CDH1: variants seen among roughly 807,000 people sequenced by gnomAD.
CDH1 encodes cadherin 1, also known as cadherin-1.
A neutral mutation model predicts 84.5 loss-of-function variants in CDH1; 35 were observed. The ratio of observed to expected loss-of-function variants is 0.41; its 90% CI spans 0.32 to 0.55. The LOEUF (loss-of-function observed/expected upper bound fraction) is 0.55. Among genes scored for constraint, CDH1 ranks in the 20% least tolerant of loss-of-function variants. The pLI is 0.19. For synonymous variants in CDH1, 417 were observed against 439.0 expected, an observed-to-expected ratio of 0.95 and a Z score of 0.63; for missense variants, 994 against 1,126.6, an observed-to-expected ratio of 0.88 and a Z score of 1.68.
chr16:68,832,641 G>A (rs1265480803), intron 15 of CDH1, among the ~76,000 whole-genome samples: 3 of 151,998 alleles, frequency 2.0e-5, no homozygotes, highest in Non-Finnish European at 4.4e-5. Context: ...CCAACATGGT[G>A]AAACCCCGTT....
chr16:68,806,421 A>T (rs1310864267), intron 3 of CDH1, among the ~76,000 whole-genome samples: 1 of 152,078 alleles, frequency 6.6e-6, no homozygotes, highest in African/African-American at 2.4e-5. Flanking sequence ...AAGTGCTGGG[A>T]TTACAGGTGT....
chr16:68,738,206 G>A (rs1173630336), intron 1 of CDH1, 91 bp from the exon 2 acceptor site: 17 of 864,406 alleles, frequency 2.0e-5, no homozygotes, highest in Non-Finnish European at 3.2e-5. Context: ...TCCCGACGCC[G>A]GGAGCGAGGG....
intron 2 of CDH1, among the ~76,000 whole-genome samples, chr16:68,766,041 T>C (rs4783674): frequency 0.3 from 45,148 of 151,950 alleles, 6,802 homozygotes; most frequent in Middle Eastern, 0.34. Context: ...AGGCGAATCA[T>C]GAGGTCAGGA....
intron 2 of CDH1, among the ~76,000 whole-genome samples, chr16:68,797,385 C>A (rs902660472): frequency 6.6e-6 from 1 of 151,886 alleles, no homozygotes; most frequent in Non-Finnish European, 1.5e-5. Context: ...AACCCTTTCT[C>A]AAAAAATTAA....
chr16:68,745,341 G>A (rs1274152340), intron 2 of CDH1, among the ~76,000 whole-genome samples: 1 of 150,232 alleles, frequency 6.7e-6, no homozygotes, highest in Non-Finnish European at 1.5e-5. Context: ...AAAAAATTTA[G>A]CCAGGTATGG....
intron 2 of CDH1, among the ~76,000 whole-genome samples, chr16:68,797,850 G>A (rs946667350): frequency 6.6e-6 from 1 of 152,068 alleles, no homozygotes; most frequent in Admixed American, 6.6e-5. Context: ...AGGCAGAGGC[G>A]GGCAGATCAC....
intron 2 of CDH1, among the ~76,000 whole-genome samples, chr16:68,762,878 A>C (rs927841207): frequency 7.9e-6 from 1 of 126,362 alleles, no homozygotes; most frequent in African/African-American, 3.0e-5. Context: ...GCACCACTGC[A>C]CTCCAGCCTC....
intron 15 of CDH1, 22 bp from the exon 16 acceptor site, chr16:68,833,268 G>A (rs1408409250): frequency 7.5e-6 from 12 of 1,607,176 alleles, no homozygotes. Flanking sequence ...ACTAAAAGAT[G>A]CTTTTGTCCC....
intron 2 of CDH1, among the ~76,000 whole-genome samples, chr16:68,764,245 T>A (rs1959306480): frequency 6.6e-6 from 1 of 152,162 alleles, no homozygotes; most frequent in South Asian, 2.1e-4. Flanking sequence ...TCATCCCAGA[T>A]GACATTTAGG....
intron 2 of CDH1, among the ~76,000 whole-genome samples, chr16:68,761,898 T>C (rs1454492329): frequency 6.6e-6 from 1 of 152,118 alleles, no homozygotes; most frequent in Admixed American, 6.5e-5. Context: ...TGGAGGGCCT[T>C]GTACCCATCA....
At position 68,804,409 on chromosome 16, in the gene CDH1, G is replaced by A. The variant is rs192862260; in HGVS notation, c.387+2516G>A. The stretch of plus-strand genomic sequence containing the variant: ...ATTACAGGTGTGAGCCACTGCGCCC[G>A]GCCCTATCTGCCTTTTAAGAAACCT... On this transcript the variant is annotated intron_variant, in intron 3 of 15. Transcript: ENST00000261769. Among the ~76,000 whole-genome samples the A allele has an allele frequency of 1.5e-4, 23 of 152,036 alleles. No individual in the cohort carries two copies. The East Asian group carries it at 2.7e-3, about 18-fold the overall frequency.
intron 2 of CDH1, among the ~76,000 whole-genome samples, chr16:68,764,438 A>T (rs1312508767): frequency 1.3e-5 from 2 of 152,192 alleles, no homozygotes; most frequent in African/African-American, 4.8e-5. Flanking sequence ...TTAGCCAGGT[A>T]TGGTGCTGTG....
At chr16:68,818,918 C>CAATCTCGG (rs1175194063) in intron 10 of CDH1, among the ~76,000 whole-genome samples, 1 of 151,132 alleles carries the variant, frequency 6.6e-6, no homozygotes, top group Non-Finnish European at 1.5e-5. Context: ...TGCAGTGGTG[C>CAATCTCGG]AATCTCGGCT....
At chr16:68,797,570 C>T (rs1960395972) in intron 2 of CDH1, among the ~76,000 whole-genome samples, 1 of 152,140 alleles carries the variant, frequency 6.6e-6, no homozygotes. Flanking sequence ...GCCCCAGCTA[C>T]TCAGGAGGCT....
intron 2 of CDH1, among the ~76,000 whole-genome samples, chr16:68,784,455 C>A (rs1052161616): frequency 8.5e-5 from 13 of 152,096 alleles, no homozygotes; most frequent in Admixed American, 1.3e-4. Context: ...CACCCCCTTC[C>A]CTCTCCCATC....
intron 2 of CDH1, among the ~76,000 whole-genome samples, chr16:68,793,084 C>T (rs1567497455): frequency 6.6e-6 from 1 of 152,184 alleles, no homozygotes; most frequent in Non-Finnish European, 1.5e-5. Flanking sequence ...GCCGCAGCTG[C>T]CACCCTGAGA....
At chr16:68,815,386 G>A in intron 9 of CDH1, 129 bp from the exon 10 acceptor site, 20 of 1,219,798 alleles carry the variant, frequency 1.6e-5, no homozygotes, top group Admixed American at 2.3e-5. Context: ...TGAAAGTCAT[G>A]GCAGAAACCA....
At chr16:68,829,845 A>G (rs1215465122) in intron 15 of CDH1, 48 bp downstream of exon 15, 2 of 1,587,546 alleles carry the variant, frequency 1.3e-6, no homozygotes, top group South Asian at 2.2e-5. Context: ...CTCTAAGCTC[A>G]GGAGGAGTTG....
At position 68,833,985 on chromosome 16, in the gene CDH1, C is replaced by A; in HGVS notation, c.*486C>A. 1 of 319,328 alleles carries A rather than the reference C, an allele frequency of 3.1e-6. No homozygotes were observed. The highest frequency in any genetic ancestry group is 5.9e-6 in the Non-Finnish European group (1 of 170,602). 19.8% of individuals were successfully genotyped at this position (319,328 alleles called of 1,614,324 possible). ...CTTTTTTTTTTTTTTAAGACAGGGT[C>A]TCATTCTATCGGCCAGGCTGGAGTG... On this transcript the variant is annotated 3_prime_UTR_variant, in exon 16 of 16. Transcript: ENST00000261769.
Sources: allele counts gnomAD v4.1 joint callset (sites outside exome capture counted in the v4.1 genomes callset), GRCh38; gene constraint gnomAD v4.1.1; transcripts MANE v1.5; gene names NCBI Gene and HGNC (gene_info 2026-07-23, HGNC 2026-07-21).